Variants in GRM8 observed in about 807,000 individuals in gnomAD.
GRM8 encodes metabotropic glutamate receptor 8.
GRM8 carries 47 observed loss-of-function variants against 87.2 expected under a neutral mutation model. That is an observed-to-expected ratio of 0.54 (90% CI 0.43 to 0.69). GRM8 has a LOEUF of 0.69. Among genes scored for constraint, GRM8 ranks in the 30% least tolerant of loss-of-function variants. GRM8 has a pLI of 0.00. For synonymous variants in GRM8, 396 were observed against 404.5 expected (o/e 0.98, Z 0.25); for missense variants, 1,019 against 1,139.2 (o/e 0.89, Z 1.52).
intron 3 of GRM8, among the ~76,000 whole-genome samples, chr7:126,992,317 T>C (rs1238953416): frequency 6.6e-6 from 1 of 152,050 alleles, no homozygotes; most frequent in African/African-American, 2.4e-5. Flanking sequence ...CAGGAAGAAA[T>C]AAAACTGTCT....
chr7:126,579,192 A>C (rs1298753896), intron 8 of GRM8, among the ~76,000 whole-genome samples: 1 of 152,210 alleles, frequency 6.6e-6, no homozygotes, highest in East Asian at 1.9e-4. Flanking sequence ...ATTAGGACTA[A>C]ATTTACACTT....
At chr7:126,843,358 T>C (rs1489623929) in intron 6 of GRM8, among the ~76,000 whole-genome samples, 7 of 152,166 alleles carry the variant, frequency 4.6e-5, no homozygotes, top group Middle Eastern at 6.8e-3. Flanking sequence ...ATTAGGCACA[T>C]AGCAAAGGAA....
intron 7 of GRM8, among the ~76,000 whole-genome samples, chr7:126,715,593 T>C (rs965237761): frequency 6.6e-6 from 1 of 152,182 alleles, no homozygotes; most frequent in African/African-American, 2.4e-5. Flanking sequence ...GCTACATAAT[T>C]TATCTGTGAA....
intron 2 of GRM8, among the ~76,000 whole-genome samples, chr7:127,202,918 G>A (rs528296287): frequency 6.6e-5 from 10 of 152,118 alleles, no homozygotes; most frequent in African/African-American, 2.2e-4. Flanking sequence ...CTCATCTTCC[G>A]AATACATTCA....
chr7:126,643,184 G>A (rs1802595931), intron 7 of GRM8, among the ~76,000 whole-genome samples: 1 of 150,086 alleles, frequency 6.7e-6, no homozygotes, highest in Non-Finnish European at 1.5e-5. Context: ...CAGCTACTTG[G>A]GAGGCTGAGG....
intron 6 of GRM8, among the ~76,000 whole-genome samples, chr7:126,797,932 T>C (rs1479668533): frequency 6.6e-6 from 1 of 152,022 alleles, no homozygotes; most frequent in East Asian, 1.9e-4. Flanking sequence ...AGACAACAAA[T>C]ATTGAACTGA....
intron 6 of GRM8, among the ~76,000 whole-genome samples, chr7:126,817,414 C>T (rs1000564549): frequency 5.3e-5 from 8 of 152,088 alleles, no homozygotes; most frequent in Admixed American, 1.3e-4. Flanking sequence ...GGAGAATATG[C>T]ATGGGGCTTC....
At chr7:126,772,992 T>C (rs1281149524) in intron 6 of GRM8, among the ~76,000 whole-genome samples, 1 of 152,012 alleles carries the variant, frequency 6.6e-6, no homozygotes, top group Non-Finnish European at 1.5e-5. Context: ...TAAGCAGGAA[T>C]TGAATGTGTT....
intron 2 of GRM8, among the ~76,000 whole-genome samples, chr7:127,242,490 A>T (rs1798362586): frequency 6.6e-6 from 1 of 152,214 alleles, no homozygotes; most frequent in African/African-American, 2.4e-5. Flanking sequence ...AAAGAGTCAA[A>T]ATTAATCCAG....
intron 10 of GRM8, chr7:126,445,294 T>C (rs1368233862): frequency 1.3e-5 from 2 of 152,098 alleles, no homozygotes; most frequent in Non-Finnish European, 2.9e-5. Flanking sequence ...AAGGTTGTAA[T>C]GTTTACCATA....
intron 8 of GRM8, among the ~76,000 whole-genome samples, chr7:126,564,138 G>A (rs577854145): frequency 7.2e-5 from 11 of 152,228 alleles, no homozygotes; most frequent in Non-Finnish European, 1.6e-4. Flanking sequence ...ATGGGCAGGT[G>A]CCCTAGTCTT....
At chr7:126,610,181 T>C (rs758059488) in intron 7 of GRM8, among the ~76,000 whole-genome samples, 4 of 152,122 alleles carry the variant, frequency 2.6e-5, no homozygotes, top group Non-Finnish European at 4.4e-5. Context: ...CTCTCGGAAG[T>C]TTTCATCTTT....
chr7:126,533,090 A>G lies in GRM8; in HGVS notation c.2292T>C (p.Thr764=), dbSNP rs371325572. The G allele has an allele frequency of 1.1e-5, 17 of 1,613,696 alleles. No homozygotes were observed. The African/African-American group carries it at 2.1e-4, about 20-fold the overall frequency. ...GYSILLMVTC[T]VYAIKTRGVP... is the part of the protein sequence containing the mutation. The stretch of plus-strand genomic sequence containing the variant: ...CACCTCTCGTTTTAATGGCATAAAC[A>G]GTACAAGTGACCATCAAGAGGATAC... The change falls in exon 9 of 11, where the codon ACT becomes ACC. Residue 764 remains threonine, a synonymous_variant. Coordinates refer to ENST00000339582, the MANE Select transcript of GRM8 (RefSeq NM_000845.3).
chr7:126,719,855 A>G (rs1190107997), intron 7 of GRM8, among the ~76,000 whole-genome samples: 1 of 151,148 alleles, frequency 6.6e-6, no homozygotes, highest in Admixed American at 6.6e-5. Flanking sequence ...AGTCTTGAAA[A>G]AAAAAAAAAA....
chr7:126,871,844 A>G (rs1391132717), intron 6 of GRM8, among the ~76,000 whole-genome samples: 3 of 152,234 alleles, frequency 2.0e-5, no homozygotes, highest in Non-Finnish European at 4.4e-5. Flanking sequence ...ATACTTGTAC[A>G]CATAGTAAAT....
intron 8 of GRM8, among the ~76,000 whole-genome samples, chr7:126,602,656 G>C (rs1159941296): frequency 2.0e-5 from 3 of 147,908 alleles, no homozygotes; most frequent in Non-Finnish European, 4.5e-5. Flanking sequence ...CACATCCCTT[G>C]TAAGTTGGAT....
At chr7:126,606,963 C>A (rs923866944) in intron 8 of GRM8, among the ~76,000 whole-genome samples, 9 of 152,154 alleles carry the variant, frequency 5.9e-5, no homozygotes, top group Non-Finnish European at 7.4e-5. Flanking sequence ...GTATATATTT[C>A]TCAAACACTG....
chr7:127,162,388 C>T (rs1035878701), intron 2 of GRM8, among the ~76,000 whole-genome samples: 8 of 152,208 alleles, frequency 5.3e-5, no homozygotes, highest in African/African-American at 1.9e-4. Context: ...CCACTTATTC[C>T]TATTTCTTGG....
intron 3 of GRM8, among the ~76,000 whole-genome samples, chr7:127,090,331 T>A (rs766096534): frequency 6.6e-6 from 1 of 152,200 alleles, no homozygotes. Flanking sequence ...GTTAAATGAA[T>A]GGTGAATAAG....
Sources: allele counts gnomAD v4.1 joint callset (sites outside exome capture counted in the v4.1 genomes callset), GRCh38; gene constraint gnomAD v4.1.1; transcripts MANE v1.5; gene names NCBI Gene and HGNC (gene_info 2026-07-23, HGNC 2026-07-21).